CDK14: variants seen among roughly 807,000 people sequenced by gnomAD.
The protein encoded by CDK14 is cyclin-dependent kinase 14.
A neutral mutation model predicts 60.7 loss-of-function variants in CDK14; 34 were observed. The observed-to-expected ratio is 0.56, with a 90% CI of 0.43 to 0.75. CDK14 has a LOEUF of 0.75. Ranked by LOEUF, CDK14 falls within the 30% of genes least tolerant of loss-of-function variation. The pLI, the probability that CDK14 is intolerant of heterozygous loss-of-function variation, is 0.00. For synonymous variants in CDK14, 197 were observed against 203.7 expected (o/e 0.97, Z 0.28); for missense variants, 482 against 564.1 (o/e 0.85, Z 1.47).
intron 8 of CDK14, among the ~76,000 whole-genome samples, chr7:90,928,020 G>C (rs1793472694): frequency 6.6e-6 from 1 of 150,772 alleles, no homozygotes; most frequent in South Asian, 2.1e-4. Context: ...ACTAAAGCTT[G>C]TGCATGTGTC....
chr7:91,051,742 C>T (rs1380674891), intron 11 of CDK14, among the ~76,000 whole-genome samples: 1 of 152,168 alleles, frequency 6.6e-6, no homozygotes, highest in Non-Finnish European at 1.5e-5. Context: ...GAGGCTTTTG[C>T]ATAAGGCTCT....
chr7:90,664,018 G>T (rs1800919750), intron 2 of CDK14, among the ~76,000 whole-genome samples: 1 of 151,876 alleles, frequency 6.6e-6, no homozygotes, highest in Non-Finnish European at 1.5e-5. Context: ...CTACAGAATG[G>T]GAGAAAATTT....
At chr7:91,027,994 A>T (rs1466053875) in intron 10 of CDK14, among the ~76,000 whole-genome samples, 1 of 122,852 alleles carries the variant, frequency 8.1e-6, no homozygotes. Context: ...CTGTCACCCG[A>T]ATAGTGTGCA....
chr7:90,855,842 C>T (rs1790801766), intron 5 of CDK14, among the ~76,000 whole-genome samples: 1 of 152,076 alleles, frequency 6.6e-6, no homozygotes, highest in South Asian at 2.1e-4. Context: ...TGTGAGTCCA[C>T]AATGTGGAAG....
chr7:91,202,992 T>C (rs1227688449), intron 14 of CDK14, among the ~76,000 whole-genome samples: 1 of 152,204 alleles, frequency 6.6e-6, no homozygotes, highest in Admixed American at 6.5e-5. Flanking sequence ...ACATCATCGA[T>C]GTCTAAAAAA....
At chr7:90,816,081 T>G (rs956504376) in intron 5 of CDK14, among the ~76,000 whole-genome samples, 10 of 152,074 alleles carry the variant, frequency 6.6e-5, no homozygotes, top group Non-Finnish European at 1.0e-4. Flanking sequence ...ACTTAAAATT[T>G]TTTTAAAAAA....
chr7:91,041,888 G>A (rs928275064), intron 10 of CDK14, among the ~76,000 whole-genome samples: 1 of 152,220 alleles, frequency 6.6e-6, no homozygotes, highest in Admixed American at 6.5e-5. Context: ...TTTACTGGGT[G>A]CATATCTGGT....
intron 5 of CDK14, among the ~76,000 whole-genome samples, chr7:90,859,808 GTAT>G (rs1790946157): frequency 1.3e-5 from 2 of 152,074 alleles, no homozygotes; most frequent in African/African-American, 2.4e-5. Flanking sequence ...TGGCCTTGCT[GTAT>G]TATTATTTGC....
At chr7:90,617,994 T>C (rs2106730) in intron 2 of CDK14, among the ~76,000 whole-genome samples, 113,039 of 152,090 alleles carry the variant, frequency 0.74, 42,376 homozygotes, top group East Asian at 0.9. Context: ...TTTCAATGGG[T>C]GTAAATTGCC....
At chr7:91,157,057 G>A (rs868316315) in intron 14 of CDK14, among the ~76,000 whole-genome samples, 3 of 152,158 alleles carry the variant, frequency 2.0e-5, no homozygotes, top group African/African-American at 4.8e-5. Flanking sequence ...ACAGGGAAAC[G>A]TGGAAAAAGA....
intron 2 of CDK14, among the ~76,000 whole-genome samples, chr7:90,673,867 G>T (rs1384333692): frequency 6.6e-6 from 1 of 152,126 alleles, no homozygotes; most frequent in Non-Finnish European, 1.5e-5. Flanking sequence ...CACCTCCACT[G>T]ACTTGTATCA....
intron 2 of CDK14, among the ~76,000 whole-genome samples, chr7:90,643,995 T>C (rs1800405525): frequency 6.6e-6 from 1 of 152,194 alleles, no homozygotes; most frequent in Non-Finnish European, 1.5e-5. Context: ...GGATAAGGCC[T>C]TTATGGAAGT....
intron 5 of CDK14, among the ~76,000 whole-genome samples, chr7:90,853,843 G>C (rs889920876): frequency 6.6e-6 from 1 of 152,170 alleles, no homozygotes; most frequent in African/African-American, 2.4e-5. Context: ...AGGCACACCA[G>C]TTGACTTTGA....
chr7:90,844,452 A>T (rs933134335), intron 5 of CDK14, among the ~76,000 whole-genome samples: 1 of 152,192 alleles, frequency 6.6e-6, no homozygotes, highest in African/African-American at 2.4e-5. Context: ...CACTGGCCTT[A>T]GAGTCATGAG....
chr7:90,768,264 C>T (rs1324947562), intron 4 of CDK14, among the ~76,000 whole-genome samples: 1 of 152,196 alleles, frequency 6.6e-6, no homozygotes, highest in Admixed American at 6.5e-5. Flanking sequence ...GCAGCCAGAT[C>T]TCTATTTAGA....
chr7:91,144,301 C>T (rs948590951), intron 14 of CDK14, among the ~76,000 whole-genome samples: 12 of 152,150 alleles, frequency 7.9e-5, no homozygotes, highest in African/African-American at 2.7e-4. Context: ...ATAGATATCA[C>T]AGTTATTAAT....
intron 10 of CDK14, among the ~76,000 whole-genome samples, chr7:91,045,194 A>G (rs1461160800): frequency 6.6e-6 from 1 of 152,206 alleles, no homozygotes; most frequent in Non-Finnish European, 1.5e-5. Context: ...TAAGAGCCAT[A>G]GATCATGGAA....
At position 91,209,701 on chromosome 7, in the gene CDK14, G is replaced by C. The variant is rs568373552; in HGVS notation, c.*2565G>C. The C allele has an allele frequency of 6.5e-6, 1 of 152,704 alleles. No individual in the cohort carries two copies. Among genetic ancestry groups the C allele is most frequent in the East Asian group, 1.9e-4 (1 of 5,188 alleles). The allele number at this position is 152,704 out of a possible 1,614,324, so 9.5% of individuals were successfully genotyped here. A position where few individuals can be genotyped will look rare whatever the true frequency, so the allele number is the denominator to read the frequency against. The stretch of plus-strand genomic sequence containing the variant: ...CTGCACACACAGTATTCTGAAAGGA[G>C]ATTTGACACTTAATTCCCATTTTCT... On this transcript the variant is annotated 3_prime_UTR_variant, in exon 15 of 15. Coordinates refer to ENST00000380050, the MANE Select transcript of CDK14 (RefSeq NM_001287135.2).
chr7:91,065,199 T>C (rs1319962408), intron 11 of CDK14, among the ~76,000 whole-genome samples: 4 of 152,158 alleles, frequency 2.6e-5, no homozygotes, highest in Non-Finnish European at 5.9e-5. Context: ...GCCTCACGGG[T>C]AAAGGACTGA....
Sources: gnomAD v4.1 joint callset for allele counts (sites outside exome capture counted in the v4.1 genomes callset) on GRCh38, gnomAD v4.1.1 for gene constraint, MANE v1.5 for transcripts, NCBI Gene and HGNC (gene_info 2026-07-23, HGNC 2026-07-21) for gene names.